Variants in CSMD1 observed in about 807,000 individuals in gnomAD.
CSMD1 encodes the protein CUB and sushi domain-containing protein 1.
Under a neutral mutation model 417.5 loss-of-function variants are expected in CSMD1, and 213 were observed. The ratio of observed to expected loss-of-function variants is 0.51; its 90% CI spans 0.46 to 0.57. The LOEUF is 0.57. CSMD1 is among the 20% of genes least tolerant of loss of function. The pLI, the probability that CSMD1 is intolerant of heterozygous loss-of-function variation, is 0.00. For missense variants in CSMD1, 6,923 were observed against 4,529.7 expected (o/e 1.53, Z -15.17); for synonymous variants, 2,862 against 1,736.8 (o/e 1.65, Z -16.11).
At position 3,110,247 on chromosome 8, in the gene CSMD1, A is replaced by G. The variant is rs766030782; in HGVS notation, c.6519T>C (p.Ile2173=). The G allele has an allele frequency of 6.2e-7, 1 of 1,613,424 alleles. No individual in the cohort carries two copies. The highest frequency in any genetic ancestry group is 1.7e-5 in the Admixed American group (1 of 59,954). ...PDEYPILKDC[I]WLITVPPGHG... ...GCCCTGGAGGCACCGTGATGAGCCAAATGCAGTCCTTCAGGATCGGATACT... is the reference window on the plus strand; with the variant it reads ...GCCCTGGAGGCACCGTGATGAGCCAGATGCAGTCCTTCAGGATCGGATACT... The change falls in exon 43 of 70, where the codon ATT becomes ATC. Residue 2173 remains isoleucine, a synonymous_variant. Coordinates refer to ENST00000635120, the MANE Select transcript of CSMD1 (RefSeq NM_033225.6).
chr8:4,669,877 C>G (rs1436894979), intron 1 of CSMD1, among the ~76,000 whole-genome samples: 1 of 152,128 alleles, frequency 6.6e-6, no homozygotes, highest in Non-Finnish European at 1.5e-5. Context: ...GGTTTCTGGG[C>G]TTCTAGAACT....
chr8:3,218,280 G>C (rs1223110861), intron 29 of CSMD1, among the ~76,000 whole-genome samples: 1 of 152,166 alleles, frequency 6.6e-6, no homozygotes, highest in Non-Finnish European at 1.5e-5. Flanking sequence ...TGAAGTTATT[G>C]GCCGGGCGCG....
chr8:4,009,900 G>C (rs1382843078), intron 4 of CSMD1, among the ~76,000 whole-genome samples: 2 of 151,862 alleles, frequency 1.3e-5, no homozygotes, highest in South Asian at 4.1e-4. Flanking sequence ...CTTTACAACA[G>C]TCCCTGCAAA....
chr8:3,036,724 A>C (rs1810700096), intron 50 of CSMD1, among the ~76,000 whole-genome samples: 1 of 152,184 alleles, frequency 6.6e-6, no homozygotes, highest in South Asian at 2.1e-4. Context: ...AAGACCTTTT[A>C]AATGTGTTTC....
rs1585017230 is a variant in CSMD1 at position 3,649,477 on chromosome 8, G to A, written c.1010-32680C>T. On this transcript the variant is annotated intron_variant, in intron 7 of 69. Transcript: ENST00000635120. ...ATTGACTCACAGTTCATCATGGCTGGGGAGGCCTCAGGAAATTTACAATCA... is the reference window on the plus strand; with the variant it reads ...ATTGACTCACAGTTCATCATGGCTGAGGAGGCCTCAGGAAATTTACAATCA... Among the ~76,000 whole-genome samples the A allele has an allele frequency of 1.3e-5, 2 of 152,096 alleles. 1 individual carries two copies. Among genetic ancestry groups the A allele is most frequent in the African/African-American group, 4.8e-5 (2 of 41,398 alleles).
At chr8:4,281,642 TCTTA>T (rs377220899) in intron 3 of CSMD1, among the ~76,000 whole-genome samples, 73 of 152,358 alleles carry the variant, frequency 4.8e-4, no homozygotes, top group African/African-American at 1.6e-3. Flanking sequence ...TGTTGGGCTT[TCTTA>T]CTTGACATAT....
intron 1 of CSMD1, among the ~76,000 whole-genome samples, chr8:4,732,313 C>G (rs7016157): frequency 0.015 from 2,217 of 150,302 alleles, 68 homozygotes; most frequent in African/African-American, 0.052. Flanking sequence ...ATTAAGACAC[C>G]TGAAGAGTTA....
At chr8:4,730,813 C>A (rs1483996809) in intron 1 of CSMD1, among the ~76,000 whole-genome samples, 1 of 151,868 alleles carries the variant, frequency 6.6e-6, no homozygotes, top group African/African-American at 2.4e-5. Context: ...TGCTGATTTT[C>A]TTGGTTTTTG....
chr8:3,699,396 C>A (rs1563285630), intron 7 of CSMD1, among the ~76,000 whole-genome samples: 1 of 152,162 alleles, frequency 6.6e-6, no homozygotes. Flanking sequence ...CAACACATAA[C>A]ATTTTGATAA....
chr8:3,715,628 C>A (rs1457081888), intron 6 of CSMD1, among the ~76,000 whole-genome samples: 1 of 152,134 alleles, frequency 6.6e-6, no homozygotes, highest in African/African-American at 2.4e-5. Context: ...CTGCAACCTC[C>A]ACCTCCCGGG....
intron 1 of CSMD1, among the ~76,000 whole-genome samples, chr8:4,681,493 T>C (rs756926818): frequency 1.8e-4 from 28 of 152,140 alleles, no homozygotes; most frequent in Non-Finnish European, 2.9e-4. Flanking sequence ...ACAAATGATG[T>C]CTCAATACGT....
intron 12 of CSMD1, among the ~76,000 whole-genome samples, chr8:3,459,627 G>T (rs559961931): frequency 6.6e-6 from 1 of 152,194 alleles, no homozygotes; most frequent in African/African-American, 2.4e-5. Context: ...ACCACTGAAG[G>T]GTAACTCCCG....
rs545567230 is a variant in CSMD1, at chr8:3,000,680, G to A, written c.8030-549C>T. On this transcript the variant is annotated intron_variant, in intron 52 of 69. Coordinates refer to ENST00000635120, the MANE Select transcript of CSMD1 (RefSeq NM_033225.6). ...CTGATGTCTGAGTAAAAATGGCCTG[G>A]AATCAGTTGAAAAGAGAAGTCTAGA... 2.0e-5 allele frequency among the ~76,000 whole-genome samples: 3 copies of A among 152,268 alleles called. No individual in the cohort carries two copies. The South Asian group carries it at 6.2e-4, about 32-fold the overall frequency.
intron 2 of CSMD1, among the ~76,000 whole-genome samples, chr8:4,561,425 G>A (rs1798326062): frequency 6.6e-6 from 1 of 152,164 alleles, no homozygotes; most frequent in South Asian, 2.1e-4. Flanking sequence ...GCTCATGCCT[G>A]TAATCTCAGC....
At position 3,408,561 on chromosome 8, in the gene CSMD1, A is replaced by G. The variant is rs528115535; in HGVS notation, c.1745-336T>C. Among the ~76,000 whole-genome samples the G allele has an allele frequency of 8.4e-4, 127 of 151,544 alleles. 1 individual carries two copies. The highest frequency in any genetic ancestry group is 1.9e-3 in the Admixed American group (29 of 15,250). The stretch of plus-strand genomic sequence containing the variant: ...TGCCTTCAGAAGAGCAAATATTAAT[A>G]TGGAAAAGTATATTCCTATATCATA... On this transcript the variant is annotated intron_variant, in intron 13 of 69. Transcript: ENST00000635120.
intron 3 of CSMD1, among the ~76,000 whole-genome samples, chr8:4,143,990 A>G (rs533279064): frequency 6.6e-6 from 1 of 151,336 alleles, no homozygotes; most frequent in East Asian, 1.9e-4. Context: ...CTCCCTTTCC[A>G]TCTGAGACAC....
At chr8:3,303,033 T>G (rs534855193) in intron 25 of CSMD1, among the ~76,000 whole-genome samples, 2 of 152,326 alleles carry the variant, frequency 1.3e-5, no homozygotes, top group East Asian at 3.9e-4. Context: ...ACTGTAGACT[T>G]CTATAACTCT....
intron 2 of CSMD1, among the ~76,000 whole-genome samples, chr8:4,433,402 A>G (rs1356119599): frequency 6.6e-6 from 1 of 152,104 alleles, no homozygotes. Flanking sequence ...AATTTCTACT[A>G]AAAGAATCAA....
intron 8 of CSMD1, among the ~76,000 whole-genome samples, chr8:3,610,486 G>C (rs1028387300): frequency 3.3e-5 from 5 of 152,192 alleles, no homozygotes; most frequent in Non-Finnish European, 7.4e-5. Context: ...AGTACTCCAG[G>C]CTGAGTGACA....
Sources: gnomAD v4.1 joint callset for allele counts (sites outside exome capture counted in the v4.1 genomes callset) on GRCh38, gnomAD v4.1.1 for gene constraint, MANE v1.5 for transcripts, NCBI Gene and HGNC (gene_info 2026-07-23, HGNC 2026-07-21) for gene names.